The following CTNNA2 variants were observed in gnomAD, a reference collection of about 807,000 sequenced individuals.
The protein encoded by CTNNA2 is catenin alpha-2.
A neutral mutation model predicts 101.0 loss-of-function variants in CTNNA2; 42 were observed. The ratio of observed to expected loss-of-function variants is 0.42; its 90% CI spans 0.32 to 0.54. The LOEUF (loss-of-function observed/expected upper bound fraction) is 0.54, where lower values mean the gene tolerates loss of function less well. Among genes scored for constraint, CTNNA2 ranks in the 20% least tolerant of loss-of-function variants. The probability of loss-of-function intolerance (pLI) is 0.14; values close to 1 mark genes in which losing one functional copy is unlikely to be tolerated. For synonymous variants in CTNNA2, 450 were observed against 456.4 expected (o/e 0.99, Z 0.18); for missense variants, 871 against 1,223.1 (o/e 0.71, Z 4.29).
At chr2:80,590,664 T>C (rs1190466261) in intron 15 of CTNNA2, among the ~76,000 whole-genome samples, 2 of 152,190 alleles carry the variant, frequency 1.3e-5, no homozygotes, top group South Asian at 2.1e-4. Flanking sequence ...GGCCAATATG[T>C]ACTAATGACA....
Position 80,006,102 on chromosome 2 carries a change from T to C in CTNNA2, c.1056+96305T>C, listed in dbSNP as rs747535717. On this transcript the variant is annotated intron_variant, in intron 7 of 18. Coordinates refer to ENST00000402739, the MANE Select transcript of CTNNA2 (RefSeq NM_001282597.3). ...GAATAAAGTAGGTTTAGACTTGATA[T>C]AGTAGCTTCCTAATATTTAAGGAAA... Among the ~76,000 whole-genome samples the C allele has an allele frequency of 2.6e-5, 4 of 152,256 alleles. No individual in the cohort carries two copies. In the East Asian group the frequency reaches 7.7e-4, roughly 29 times the overall value.
At chr2:79,740,731 C>G (rs1671233476) in intron 2 of CTNNA2, among the ~76,000 whole-genome samples, 1 of 152,088 alleles carries the variant, frequency 6.6e-6, no homozygotes, top group East Asian at 1.9e-4. Context: ...GAAAGAAAAG[C>G]AAGAGGAGAC....
In CTNNA2 at chr2:80,131,549, A is replaced by G. The variant is rs115162288; in HGVS notation, c.1056+221752A>G. On this transcript the variant is annotated intron_variant, in intron 7 of 18. Coordinates refer to ENST00000402739, the MANE Select transcript of CTNNA2 (RefSeq NM_001282597.3). ...AGGGGATTTTTATCATCACTGCACT[A>G]GAACCTAGAATGAGGATAGAAAATT... Among the ~76,000 whole-genome samples the G allele has an allele frequency of 9.1e-3, 1,383 of 152,296 alleles. 18 individuals are homozygous for G. Among genetic ancestry groups the G allele is most frequent in the African/African-American group, 0.026 (1,075 of 41,570 alleles).
chr2:80,509,835 T>G lies in CTNNA2; in HGVS notation c.1291-35147T>G, dbSNP rs138878504. 2.1e-3 allele frequency among the ~76,000 whole-genome samples: 315 copies of G among 152,288 alleles called. 1 individual carries two copies. The highest frequency in any genetic ancestry group is 2.5e-3 in the Non-Finnish European group (171 of 68,018). On this transcript the variant is annotated intron_variant, in intron 9 of 18. Transcript: ENST00000402739. Reference sequence around the variant, plus strand: ...TAGAGCTTGGACTGGAACGCAGGGCTCCTGTCCTCAGATCCATTCTTCACT... The same window carrying G: ...TAGAGCTTGGACTGGAACGCAGGGCGCCTGTCCTCAGATCCATTCTTCACT...
intron 4 of CTNNA2, among the ~76,000 whole-genome samples, chr2:79,393,877 G>C (rs1355102718): frequency 6.6e-6 from 1 of 152,084 alleles, no homozygotes; most frequent in Non-Finnish European, 1.5e-5. Flanking sequence ...CAACCCTGCA[G>C]GGCTGCCTAG....
rs556812659 is a variant in CTNNA2, at chr2:80,213,970, G to T, written c.1057-179241G>T. On this transcript the variant is annotated intron_variant, in intron 7 of 18. Coordinates refer to ENST00000402739, the MANE Select transcript of CTNNA2 (RefSeq NM_001282597.3). ...ATTGATGCCTTTACCATTAAGTAAT[G>T]GCCTTCTTTGTCTCTTTTGATCTTT... Among the ~76,000 whole-genome samples the T allele has an allele frequency of 5.9e-4, 90 of 152,230 alleles. 1 individual carries two copies. The highest frequency in any genetic ancestry group is 2.0e-3 in the African/African-American group (82 of 41,538).
intron 2 of CTNNA2, among the ~76,000 whole-genome samples, chr2:79,201,432 A>G (rs2104180595): frequency 7.4e-6 from 1 of 135,592 alleles, no homozygotes. Flanking sequence ...AGCAGGAAAA[A>G]ACTCAAATTC....
At chr2:80,166,464 G>T (rs533960808) in intron 7 of CTNNA2, among the ~76,000 whole-genome samples, 1 of 152,184 alleles carries the variant, frequency 6.6e-6, no homozygotes, top group Non-Finnish European at 1.5e-5. Context: ...ACATGGAGGG[G>T]TTGGGAGGAT....
Position 80,555,668 on chromosome 2 carries a change from A to G in CTNNA2, c.1541-25A>G, listed in dbSNP as rs1189211665. The G allele has an allele frequency of 6.5e-6, 9 of 1,379,724 alleles. No homozygotes were observed. In the East Asian group the frequency reaches 2.2e-4, roughly 34 times the overall value. The allele number at this position is 1,379,724 out of a possible 1,614,324, so 85.5% of individuals were successfully genotyped here. ...AGTTCTGAGTTATGTAAAGTCATCT[A>G]AATGTGTATGTGTCCTCTCCATAGA... On this transcript the variant is annotated intron_variant, in intron 11 of 18. Coordinates refer to ENST00000402739, the MANE Select transcript of CTNNA2 (RefSeq NM_001282597.3).
chr2:79,195,890 G>C, intron 1 of CTNNA2: 1 of 492,178 alleles, frequency 2.0e-6, no homozygotes, highest in South Asian at 1.5e-5. Flanking sequence ...AAATTAGGGG[G>C]CAGAGGTGCA....
chr2:79,474,348 CAAT>C (rs1252046647), intron 4 of CTNNA2, among the ~76,000 whole-genome samples: 1 of 152,044 alleles, frequency 6.6e-6, no homozygotes, highest in Non-Finnish European at 1.5e-5. Context: ...ACAAAAACAA[CAAT>C]AAGAATAAAT....
chr2:79,710,106 T>C (rs1287763161), intron 2 of CTNNA2, among the ~76,000 whole-genome samples: 3 of 152,156 alleles, frequency 2.0e-5, no homozygotes, highest in African/African-American at 4.8e-5. Context: ...TGAATCATCC[T>C]GCAGAATTGG....
At chr2:80,456,980 A>G (rs1396850221) in intron 9 of CTNNA2, among the ~76,000 whole-genome samples, 7 of 152,192 alleles carry the variant, frequency 4.6e-5, no homozygotes, top group Non-Finnish European at 1.0e-4. Context: ...TAGCTTGAAG[A>G]AAGTATTTGG....
At chr2:79,945,567 T>G (rs1688437107) in intron 7 of CTNNA2, among the ~76,000 whole-genome samples, 1 of 152,202 alleles carries the variant, frequency 6.6e-6, no homozygotes, top group African/African-American at 2.4e-5. Context: ...TGTGTTTAAT[T>G]CTCTCCTTTT....
intron 9 of CTNNA2, among the ~76,000 whole-genome samples, chr2:80,542,263 ATTATAG>A (rs1166188416): frequency 4.6e-5 from 7 of 151,920 alleles, no homozygotes; most frequent in Non-Finnish European, 1.5e-5. Flanking sequence ...GTATATATAT[ATTATAG>A]TTTGTTTTTT....
intron 7 of CTNNA2, among the ~76,000 whole-genome samples, chr2:80,166,175 T>C (rs1009032369): frequency 4.1e-4 from 63 of 152,314 alleles, no homozygotes; most frequent in African/African-American, 1.4e-3. Context: ...TCATGTTTTG[T>C]TATTCTTAAT....
rs1393812130 is a variant in CTNNA2, at chr2:79,284,765, C to T, written c.-405-27944C>T. ...GCCTGGCCTTGGTATCCGGATGATG[C>T]TGGCCTCATCAAATGAGTTAGGGAG... On this transcript the variant is annotated intron_variant, in intron 2 of 21. Coordinates refer to the CTNNA2 transcript ENST00000466387. Among the ~76,000 whole-genome samples the T allele has an allele frequency of 9.3e-5, 14 of 150,440 alleles. No homozygotes were observed. In the East Asian group the frequency reaches 2.7e-3, roughly 29 times the overall value.
intron 4 of CTNNA2, among the ~76,000 whole-genome samples, chr2:79,382,772 C>G (rs960128218): frequency 6.6e-6 from 1 of 152,132 alleles, no homozygotes; most frequent in Admixed American, 6.5e-5. Flanking sequence ...CAACACCACG[C>G]CCGGCTAATT....
chr2:80,496,531 A>G (rs530049164), intron 9 of CTNNA2, among the ~76,000 whole-genome samples: 1 of 151,876 alleles, frequency 6.6e-6, no homozygotes, highest in South Asian at 2.1e-4. Flanking sequence ...AGCTAGCTAT[A>G]TGACTTAGTA....
Sources: gnomAD v4.1 joint callset for allele counts (sites outside exome capture counted in the v4.1 genomes callset) on GRCh38, gnomAD v4.1.1 for gene constraint, MANE v1.5 for transcripts, NCBI Gene and HGNC (gene_info 2026-07-23, HGNC 2026-07-21) for gene names.